The following KIF26B variants were observed in gnomAD, a reference collection of about 807,000 sequenced individuals.
The protein encoded by KIF26B is kinesin family member 26B.
In KIF26B, 63 loss-of-function variants were observed where a neutral mutation model predicts 151.2. That is an observed-to-expected ratio of 0.42 (90% confidence interval 0.34 to 0.51). The LOEUF (loss-of-function observed/expected upper bound fraction) is 0.51. Ranked by LOEUF, KIF26B falls within the 20% of genes least tolerant of loss-of-function variation. The probability of loss-of-function intolerance (pLI) is 0.07; values close to 1 mark genes in which losing one functional copy is unlikely to be tolerated. For synonymous variants in KIF26B, 1,357 were observed against 1,262.1 expected (o/e 1.08, Z -1.59); for missense variants, 2,813 against 2,913.6 (o/e 0.97, Z 0.79).
At chr1:245,274,490 T>C (rs1008559261) in intron 2 of KIF26B, among the ~76,000 whole-genome samples, 1 of 152,150 alleles carries the variant, frequency 6.6e-6, no homozygotes, top group African/African-American at 2.4e-5. Flanking sequence ...TTTTCTGTTC[T>C]TGTGTTAGTT....
At chr1:245,598,284 C>T (rs1193839922) in intron 5 of KIF26B, among the ~76,000 whole-genome samples, 1 of 152,142 alleles carries the variant, frequency 6.6e-6, no homozygotes, top group African/African-American at 2.4e-5. Context: ...TGAAACAAAG[C>T]TCATGCATGA....
intron 2 of KIF26B, among the ~76,000 whole-genome samples, chr1:245,356,485 A>G (rs1672703837): frequency 6.6e-6 from 1 of 152,032 alleles, no homozygotes; most frequent in Admixed American, 6.5e-5. Flanking sequence ...TGAACCTAGG[A>G]GGCAGAGGTT....
At chr1:245,276,607 C>T (rs1022696422) in intron 2 of KIF26B, among the ~76,000 whole-genome samples, 3 of 152,132 alleles carry the variant, frequency 2.0e-5, no homozygotes, top group Non-Finnish European at 4.4e-5. Context: ...TACTCTTCCC[C>T]GCTCCCGGGA....
In KIF26B at chr1:245,702,666, G is replaced by A. The variant is rs531714266; in HGVS notation, c.*60G>A. On this transcript the variant is annotated 3_prime_UTR_variant, in exon 15 of 15. Transcript: ENST00000407071. This position sits in a 1 kb window ranked among gnomAD's most constrained non-coding sequence, Gnocchi z 4.1. Reference sequence around the variant, plus strand: ...CCCCAGGACTTCAGAGATGTTGCACGCCCCTAGGCCCTCTGTGCTGGGGCA... The same window carrying A: ...CCCCAGGACTTCAGAGATGTTGCACACCCCTAGGCCCTCTGTGCTGGGGCA... The A allele has an allele frequency of 2.5e-5, 39 of 1,542,114 alleles. 1 individual carries two copies. The East Asian group carries it at 3.2e-4, about 13-fold the overall frequency.
chr1:245,207,167 C>T (rs1463503499), intron 2 of KIF26B, among the ~76,000 whole-genome samples: 1 of 152,096 alleles, frequency 6.6e-6, no homozygotes, highest in Non-Finnish European at 1.5e-5. Flanking sequence ...GGCAGGACTC[C>T]CTGTGTTGGA....
At chr1:245,315,959 C>A (rs1268178758) in intron 2 of KIF26B, among the ~76,000 whole-genome samples, 1 of 152,036 alleles carries the variant, frequency 6.6e-6, no homozygotes, top group Non-Finnish European at 1.5e-5. Flanking sequence ...AAGTACATAT[C>A]ATTAATTCCA....
At chr1:245,224,511 A>G (rs1430355245) in intron 2 of KIF26B, among the ~76,000 whole-genome samples, 3 of 152,236 alleles carry the variant, frequency 2.0e-5, no homozygotes, top group African/African-American at 7.2e-5. Context: ...CTGTCACTTC[A>G]AGGGAAACAG....
intron 12 of KIF26B, among the ~76,000 whole-genome samples, chr1:245,696,385 C>T (rs188137847): frequency 3.5e-4 from 54 of 152,302 alleles, no homozygotes; most frequent in Admixed American, 1.9e-3. Context: ...CTCAGTCAAG[C>T]CTTCAGATGA....
chr1:245,269,644 T>C (rs984726400), intron 2 of KIF26B, among the ~76,000 whole-genome samples: 1 of 151,948 alleles, frequency 6.6e-6, no homozygotes, highest in African/African-American at 2.4e-5. Context: ...TTTGTATTTT[T>C]AGTAGAGATG....
chr1:245,398,651 A>T (rs974026647), intron 3 of KIF26B, among the ~76,000 whole-genome samples: 2 of 152,162 alleles, frequency 1.3e-5, no homozygotes, highest in African/African-American at 4.8e-5. Context: ...TTTCTACGCA[A>T]AAGTCCAGGG....
At chr1:245,584,427 T>A (rs1412733917) in intron 5 of KIF26B, among the ~76,000 whole-genome samples, 1 of 152,202 alleles carries the variant, frequency 6.6e-6, no homozygotes, top group Admixed American at 6.5e-5. Context: ...ACATTGACCG[T>A]CTTATCCAAC....
At chr1:245,160,167 AGTAGACGTTT>A (rs1222604384) in intron 2 of KIF26B, among the ~76,000 whole-genome samples, 1 of 152,190 alleles carries the variant, frequency 6.6e-6, no homozygotes, top group African/African-American at 2.4e-5. Context: ...TTACCTGGTG[AGTAGACGTTT>A]GTGCTTGGTG....
intron 4 of KIF26B, among the ~76,000 whole-genome samples, chr1:245,420,213 C>T (rs757302234): frequency 1.5e-4 from 23 of 152,160 alleles, no homozygotes; most frequent in Non-Finnish European, 2.9e-4. Context: ...TTTTCTCCCC[C>T]GCTTCTTGAC....
rs1156485030 is a variant in KIF26B, at chr1:245,702,815, G to A, written c.*209G>A. The stretch of plus-strand genomic sequence containing the variant: ...CGTCAAACACCGTGGAAGGAGAAAA[G>A]GATGGGAAGCCCGAGGGGTGTCCAA... On this transcript the variant is annotated 3_prime_UTR_variant, in exon 15 of 15. Transcript: ENST00000407071. This position sits in a 1 kb window ranked among gnomAD's most constrained non-coding sequence, Gnocchi z 4.1. 1.9e-6 allele frequency: 1 copy of A among 518,752 alleles called. No homozygotes were observed. Among genetic ancestry groups the A allele is most frequent in the African/African-American group, 1.9e-5 (1 of 53,006 alleles). The allele number at this position is 518,752 out of a possible 1,614,324, so 32.1% of individuals were successfully genotyped here. A position where few individuals can be genotyped will look rare whatever the true frequency, so the allele number is the denominator to read the frequency against.
chr1:245,332,825 C>G (rs955543248), intron 2 of KIF26B, among the ~76,000 whole-genome samples: 1 of 152,204 alleles, frequency 6.6e-6, no homozygotes, highest in African/African-American at 2.4e-5. Context: ...ACTGCCTCTC[C>G]TCGGCACAGG....
Position 245,521,899 on chromosome 1 carries a change from T to C in KIF26B, c.1167-18868T>C, listed in dbSNP as rs139942749. ...TTTTTGTTTTGAGATGGAGTCTTGC[T>C]CTGTCACCCAGGCTGGATGGAGTGC... On this transcript the variant is annotated intron_variant, in intron 4 of 14. Transcript: ENST00000407071. 3.8e-3 allele frequency among the ~76,000 whole-genome samples: 559 copies of C among 147,330 alleles called. 4 individuals are homozygous for C. Among genetic ancestry groups the C allele is most frequent in the Non-Finnish European group, 4.9e-3 (317 of 65,032 alleles).
intron 3 of KIF26B, among the ~76,000 whole-genome samples, chr1:245,401,886 C>T (rs1457750023): frequency 8.9e-6 from 1 of 112,038 alleles, no homozygotes; most frequent in Non-Finnish European, 1.7e-5. Flanking sequence ...AACAAACAAA[C>T]AAAGAAACAC....
chr1:245,702,504 G>GGC lies in KIF26B; in HGVS notation c.6226_6227dup (p.Leu2077HisfsTer5). ...AGCTGGATTCCCTGGAGTACCTGGAGGCACTGGAGTGTGTGACGGAGCGCC... is the reference window on the plus strand; with the variant it reads ...AGCTGGATTCCCTGGAGTACCTGGAGGCGCACTGGAGTGTGTGACGGAGCGCC... On this transcript the variant is annotated frameshift_variant, in exon 15 of 15. Transcript: ENST00000407071. LOFTEE classifies it high-confidence loss of function. The surrounding 1 kb of genome is among the most constrained non-coding windows in gnomAD (Gnocchi z 4.1). 1 of 1,613,978 alleles carries GGC rather than the reference G, an allele frequency of 6.2e-7. No individual in the cohort carries two copies. Among genetic ancestry groups the GGC allele is most frequent in the Non-Finnish European group, 8.5e-7 (1 of 1,179,880 alleles).
At chr1:245,568,037 T>A (rs1313288185) in intron 5 of KIF26B, among the ~76,000 whole-genome samples, 2 of 151,414 alleles carry the variant, frequency 1.3e-5, no homozygotes, top group Non-Finnish European at 2.9e-5. Flanking sequence ...TTAAAAAAAA[T>A]AGCCGGGGTT....
Sources: gnomAD v4.1 joint callset for allele counts (sites outside exome capture counted in the v4.1 genomes callset) on GRCh38, gnomAD v4.1.1 for gene constraint, Gnocchi (gnomAD v3.1) non-coding constraint, MANE v1.5 for transcripts, NCBI Gene and HGNC (gene_info 2026-07-23, HGNC 2026-07-21) for gene names.